The following ACTR10 variants were observed in gnomAD, a reference collection of about 807,000 sequenced individuals.
The protein encoded by ACTR10 is actin related protein 10, also known as actin-related protein 10.
A neutral mutation model predicts 56.2 loss-of-function variants in ACTR10; 43 were observed. The observed-to-expected ratio is 0.77, with a 90% CI of 0.60 to 0.99. The LOEUF is 0.99. Among genes scored for constraint, ACTR10 ranks in the 50% least tolerant of loss-of-function variants. The pLI is 0.00. For missense variants in ACTR10, 466 were observed against 507.8 expected, an observed-to-expected ratio of 0.92 and a Z score of 0.79; for synonymous variants, 170 against 176.3, an observed-to-expected ratio of 0.96 and a Z score of 0.28.
intron 4 of ACTR10, 188 bp downstream of exon 4, chr14:58,209,295 A>G (rs1412428117): frequency 6.2e-6 from 2 of 322,050 alleles, no homozygotes; most frequent in Non-Finnish European, 1.1e-5. Context: ...GGGGAACCAG[A>G]TGACAGAAGA....
In ACTR10 at chr14:58,223,707, T is replaced by G. The variant is rs1250519819; in HGVS notation, c.714+6T>G. On this transcript the variant is annotated splice_donor_region_variant and intron_variant, in intron 9 of 12. Transcript: ENST00000254286. ...ATATTGATGGGAATAATGAGGTAAG[T>G]TTAAAAAAAAAAAAGGCATCTTTTT... 1 of 1,601,924 alleles carries G rather than the reference T, an allele frequency of 6.2e-7. No individual in the cohort carries two copies. The highest frequency in any genetic ancestry group is 1.1e-5 in the South Asian group (1 of 88,684).
chr14:58,235,150 C>G lies in ACTR10; in HGVS notation c.*599C>G, dbSNP rs1889650375. The G allele has an allele frequency of 6.6e-6, 1 of 152,166 alleles. No individual in the cohort carries two copies. Among genetic ancestry groups the G allele is most frequent in the Non-Finnish European group, 1.5e-5 (1 of 68,068 alleles). 9.4% of individuals were successfully genotyped at this position (152,166 alleles called of 1,614,324 possible). ...TTGTCTTTCAAAAAGAACAGTATTT[C>G]TCCACAGTTCACATAACCTGTTCTG... On this transcript the variant is annotated 3_prime_UTR_variant, in exon 13 of 13. Transcript: ENST00000254286.
In ACTR10 at chr14:58,223,709, T is replaced by TA. The variant is rs34387083; in HGVS notation, c.714+20dup. 116,530 of 1,287,312 alleles carry TA rather than the reference T, an allele frequency of 0.091. 1,124 individuals are homozygous for TA. Among genetic ancestry groups the TA allele is most frequent in the African/African-American group, 0.19 (12,549 of 67,014 alleles). 79.7% of individuals were successfully genotyped at this position (1,287,312 alleles called of 1,614,324 possible). A position where few individuals can be genotyped will look rare whatever the true frequency, so the allele number is the denominator to read the frequency against. On this transcript the variant is annotated intron_variant, in intron 9 of 12. Coordinates refer to ENST00000254286, the MANE Select transcript of ACTR10 (RefSeq NM_018477.3). The stretch of plus-strand genomic sequence containing the variant: ...ATTGATGGGAATAATGAGGTAAGTT[T>TA]AAAAAAAAAAAAGGCATCTTTTTGC...
intron 8 of ACTR10, among the ~76,000 whole-genome samples, chr14:58,220,627 CT>C (rs924387636): frequency 3.9e-5 from 6 of 152,088 alleles, no homozygotes; most frequent in Admixed American, 3.3e-4. Flanking sequence ...GGAGTGTTTT[CT>C]TTTCATATGA....
intron 11 of ACTR10, among the ~76,000 whole-genome samples, chr14:58,231,600 A>G (rs1889535734): frequency 6.6e-6 from 1 of 152,368 alleles, no homozygotes; most frequent in East Asian, 1.9e-4. Context: ...CTTAAAGAGA[A>G]CTGATGTAGA....
chr14:58,232,067 G>A lies in ACTR10; in HGVS notation c.872G>A (p.Cys291Tyr). 1 of 1,610,216 alleles carries A rather than the reference G, an allele frequency of 6.2e-7. No homozygotes were observed. Among genetic ancestry groups the A allele is most frequent in the Non-Finnish European group, 8.5e-7 (1 of 1,177,356 alleles). Residue 291 changes from cysteine (C) to tyrosine (Y), a missense_variant and splice_region_variant, in exon 12 of 13, where the codon TGT becomes TAT. Cys to Tyr is a radical substitution (Grantham distance 194). Coordinates refer to ENST00000254286, the MANE Select transcript of ACTR10 (RefSeq NM_018477.3). ...ATLILDSLIQ[C>Y]PIDTRKQLAE... is the part of the protein sequence containing the mutation. Reference sequence around the variant, plus strand: ...TTCTTTTTTTCTTTTTAATAACAGTGTCCGATAGACACCAGGAAGCAACTA... The same window carrying A: ...TTCTTTTTTTCTTTTTAATAACAGTATCCGATAGACACCAGGAAGCAACTA...
intron 5 of ACTR10, 138 bp downstream of exon 5, chr14:58,211,537 A>G (rs919793056): frequency 1.7e-6 from 1 of 605,956 alleles, no homozygotes; most frequent in Non-Finnish European, 2.9e-6. Context: ...AATGTGGAAA[A>G]AGTTCACAGG....
At chr14:58,229,403 G>T (rs1459446927) in intron 10 of ACTR10, among the ~76,000 whole-genome samples, 1 of 152,140 alleles carries the variant, frequency 6.6e-6, no homozygotes, top group African/African-American at 2.4e-5. Context: ...TTGGGGCCGG[G>T]CGCAGTGGCT....
At chr14:58,211,469 A>ATTT in intron 5 of ACTR10, 70 bp downstream of exon 5, 4 of 1,133,846 alleles carry the variant, frequency 3.5e-6, no homozygotes, top group Non-Finnish European at 5.3e-6. Context: ...TAGGCTAATT[A>ATTT]TAAATGATTT....
At chr14:58,225,823 A>G (rs1889383722) in intron 10 of ACTR10, among the ~76,000 whole-genome samples, 1 of 151,192 alleles carries the variant, frequency 6.6e-6, no homozygotes, top group Admixed American at 6.6e-5. Context: ...AGCAATTCTC[A>G]TGCCTCAACC....
chr14:58,232,167 G>T lies in ACTR10; in HGVS notation c.972G>T (p.Arg324Ser). ...GFLHRLLAEI[R>S]YLVEKPKYKK... ...TCCACAGATTGCTTGCAGAAATAAG[G>T]TATTTGGTAGAAAAACCAAAATATA... The change falls in exon 12 of 13, where the codon AGG (arginine) becomes AGT (serine). Residue 324 changes from arginine (R) to serine (S), a missense_variant. Physicochemically the swap from Arg to Ser is moderately radical, Grantham distance 110. Coordinates refer to ENST00000254286, the MANE Select transcript of ACTR10 (RefSeq NM_018477.3). 1 of 1,613,720 alleles carries T rather than the reference G, an allele frequency of 6.2e-7. No individual in the cohort carries two copies. Among genetic ancestry groups the T allele is most frequent in the Non-Finnish European group, 8.5e-7 (1 of 1,179,862 alleles).
chr14:58,214,749 C>G (rs1889091782), intron 6 of ACTR10, among the ~76,000 whole-genome samples: 1 of 151,358 alleles, frequency 6.6e-6, no homozygotes, highest in Non-Finnish European at 1.5e-5. Flanking sequence ...CTTCAGCCTC[C>G]CAGAGTGCTG....
chr14:58,220,482 C>T (rs1889237064), intron 8 of ACTR10, among the ~76,000 whole-genome samples: 1 of 152,104 alleles, frequency 6.6e-6, no homozygotes, highest in Admixed American at 6.5e-5. Flanking sequence ...AAATTCTTTT[C>T]AATTGTTATA....
At chr14:58,208,748 T>C (rs1384612517) in intron 3 of ACTR10, among the ~76,000 whole-genome samples, 1 of 151,434 alleles carries the variant, frequency 6.6e-6, no homozygotes, top group Admixed American at 6.6e-5. Context: ...ATATAATGGC[T>C]CAAGTTGGTA....
At chr14:58,202,541 G>C (rs1183592573) in intron 1 of ACTR10, among the ~76,000 whole-genome samples, 1 of 151,292 alleles carries the variant, frequency 6.6e-6, no homozygotes, top group African/African-American at 2.4e-5. Context: ...CCGAGATCGC[G>C]CCACTGCACT....
chr14:58,229,333 C>T (rs1008183293), intron 10 of ACTR10, among the ~76,000 whole-genome samples: 5 of 152,140 alleles, frequency 3.3e-5, no homozygotes, highest in Non-Finnish European at 7.3e-5. Flanking sequence ...ATCTAATGTA[C>T]AGCATGAGGA....
At chr14:58,204,301 G>C (rs551489009) in intron 2 of ACTR10, among the ~76,000 whole-genome samples, 17 of 151,612 alleles carry the variant, frequency 1.1e-4, no homozygotes, top group South Asian at 6.2e-4. Context: ...GGAGAATGGC[G>C]TGAACTCGGG....
At chr14:58,203,542 G>A (rs1454217135) in intron 2 of ACTR10, among the ~76,000 whole-genome samples, 1 of 151,968 alleles carries the variant, frequency 6.6e-6, no homozygotes, top group Non-Finnish European at 1.5e-5. Flanking sequence ...GCCCATTAGG[G>A]TGTACCTTCT....
At chr14:58,222,945 G>T (rs993888725) in intron 8 of ACTR10, among the ~76,000 whole-genome samples, 46 of 152,082 alleles carry the variant, frequency 3.0e-4, no homozygotes, top group African/African-American at 1.1e-3. Flanking sequence ...ATGCTATTCA[G>T]TTAGAATAGC....
Sources: allele counts gnomAD v4.1 joint callset (sites outside exome capture counted in the v4.1 genomes callset), GRCh38; gene constraint gnomAD v4.1.1; transcripts MANE v1.5; gene names NCBI Gene and HGNC (gene_info 2026-07-23, HGNC 2026-07-21).